Variants in RBFOX1 observed in about 807,000 individuals in gnomAD.
RBFOX1 encodes the protein RNA binding fox-1 homolog 1.
A neutral mutation model predicts 57.7 loss-of-function variants in RBFOX1; 8 were observed. The ratio of observed to expected loss-of-function variants is 0.14; its 90% CI spans 0.08 to 0.25. The LOEUF (loss-of-function observed/expected upper bound fraction) is 0.25. Among genes scored for constraint, RBFOX1 ranks in the 10% least tolerant of loss-of-function variants. The probability of loss-of-function intolerance (pLI) is 1.00; values close to 1 mark genes in which losing one functional copy is unlikely to be tolerated. For missense variants in RBFOX1, 611 were observed against 548.5 expected, an observed-to-expected ratio of 1.11 and a Z score of -1.14; for synonymous variants, 326 against 222.4, an observed-to-expected ratio of 1.47 and a Z score of -4.15.
chr16:6,233,419 C>T (rs1181029929), intron 1 of RBFOX1, among the ~76,000 whole-genome samples: 1 of 152,112 alleles, frequency 6.6e-6, no homozygotes. Flanking sequence ...CCCCACTCGT[C>T]CCCACCTCCA....
chr16:6,082,562 G>C (rs116556220), intron 1 of RBFOX1, among the ~76,000 whole-genome samples: 1,931 of 151,758 alleles, frequency 0.013, 42 homozygotes, highest in African/African-American at 0.045. Context: ...ATAGGGCTAA[G>C]GGCTAACAGC....
chr16:5,395,510 G>A (rs2066526372), intron 1 of RBFOX1, among the ~76,000 whole-genome samples: 1 of 152,116 alleles, frequency 6.6e-6, no homozygotes, highest in South Asian at 2.1e-4. Context: ...GCGTGGTTGA[G>A]GGAAATTTCT....
intron 4 of RBFOX1, among the ~76,000 whole-genome samples, chr16:7,245,809 A>G (rs2094272066): frequency 6.6e-6 from 1 of 152,198 alleles, no homozygotes; most frequent in Non-Finnish European, 1.5e-5. Flanking sequence ...TTTAGACAGC[A>G]CTTCATACAC....
At chr16:7,574,857 G>C (rs2152803270) in intron 5 of RBFOX1, among the ~76,000 whole-genome samples, 1 of 152,210 alleles carries the variant, frequency 6.6e-6, no homozygotes, top group African/African-American at 2.4e-5. Context: ...CCTTCTCCTA[G>C]ACCTGCTTTG....
intron 4 of RBFOX1, among the ~76,000 whole-genome samples, chr16:7,263,753 G>T (rs1316093139): frequency 2.6e-5 from 4 of 151,862 alleles, no homozygotes; most frequent in Non-Finnish European, 4.4e-5. Flanking sequence ...AAAATTAGCT[G>T]GGTGTGGTGG....
chr16:6,823,944 C>G (rs1368934372), intron 3 of RBFOX1, among the ~76,000 whole-genome samples: 1 of 152,094 alleles, frequency 6.6e-6, no homozygotes, highest in Non-Finnish European at 1.5e-5. Context: ...AAACGGTGTC[C>G]TGGAAGAGGT....
At chr16:7,054,747 C>G (rs2051518341) in intron 4 of RBFOX1, among the ~76,000 whole-genome samples, 1 of 152,196 alleles carries the variant, frequency 6.6e-6, no homozygotes, top group Non-Finnish European at 1.5e-5. Flanking sequence ...CTAAGTGCAG[C>G]AGTCAAAATG....
At chr16:5,356,631 AAATG>A (rs764743117) in intron 1 of RBFOX1, among the ~76,000 whole-genome samples, 16 of 152,208 alleles carry the variant, frequency 1.1e-4, no homozygotes, top group Non-Finnish European at 2.4e-4. Flanking sequence ...TATACTTGTT[AAATG>A]AATGAGCGAA....
chr16:6,565,010 A>C (rs2097239665), intron 2 of RBFOX1, among the ~76,000 whole-genome samples: 1 of 151,450 alleles, frequency 6.6e-6, no homozygotes, highest in Admixed American at 6.6e-5. Flanking sequence ...ATGTGCTGGC[A>C]TGCACTTGTA....
At chr16:7,227,668 G>C (rs554753291) in intron 4 of RBFOX1, among the ~76,000 whole-genome samples, 3 of 152,234 alleles carry the variant, frequency 2.0e-5, no homozygotes, top group Middle Eastern at 3.4e-3. Flanking sequence ...GATTTGAGTG[G>C]ATGGGTCCTT....
chr16:6,754,550 C>G (rs2154193822), intron 3 of RBFOX1, among the ~76,000 whole-genome samples: 1 of 152,250 alleles, frequency 6.6e-6, no homozygotes, highest in South Asian at 2.1e-4. Context: ...CTAATTCCCA[C>G]ATAGAATTTC....
chr16:7,291,984 G>A (rs537967943), intron 4 of RBFOX1, among the ~76,000 whole-genome samples: 51 of 65,460 alleles, frequency 7.8e-4, no homozygotes, highest in African/African-American at 3.5e-3. Flanking sequence ...ATATAATATA[G>A]AATATATGAT....
At chr16:6,813,275 C>A (rs1460833465) in intron 3 of RBFOX1, among the ~76,000 whole-genome samples, 1 of 152,148 alleles carries the variant, frequency 6.6e-6, no homozygotes, top group Admixed American at 6.5e-5. Context: ...TTCTGGCAGT[C>A]CTCAAAACAG....
At chr16:7,207,608 A>AAC (rs2090255971) in intron 4 of RBFOX1, among the ~76,000 whole-genome samples, 1 of 152,192 alleles carries the variant, frequency 6.6e-6, no homozygotes, top group South Asian at 2.1e-4. Flanking sequence ...ATGACAGCAA[A>AAC]ACAGTGCTCC....
chr16:7,510,181 A>G (rs1205604822), intron 4 of RBFOX1: 2 of 985,680 alleles, frequency 2.0e-6, no homozygotes, highest in East Asian at 2.3e-4. Flanking sequence ...CAACACCCCG[A>G]TCATCCACAC....
intron 4 of RBFOX1, among the ~76,000 whole-genome samples, chr16:7,194,249 T>C (rs959362354): frequency 1.3e-5 from 2 of 152,244 alleles, no homozygotes; most frequent in East Asian, 3.8e-4. Context: ...TGTTAGATTT[T>C]AATAACTTGT....
intron 3 of RBFOX1, among the ~76,000 whole-genome samples, chr16:6,990,879 A>G (rs538754412): frequency 1.3e-5 from 2 of 152,230 alleles, no homozygotes; most frequent in African/African-American, 2.4e-5. Context: ...TTAAGATAAG[A>G]TAAGGCTGTC....
chr16:7,413,542 G>C (rs1049980441), intron 4 of RBFOX1, among the ~76,000 whole-genome samples: 1 of 151,880 alleles, frequency 6.6e-6, no homozygotes, highest in Non-Finnish European at 1.5e-5. Flanking sequence ...CTGTCTCCTT[G>C]TAAGGCTGCC....
intron 4 of RBFOX1, among the ~76,000 whole-genome samples, chr16:7,066,103 G>C (rs2055958722): frequency 6.6e-6 from 1 of 152,182 alleles, no homozygotes; most frequent in African/African-American, 2.4e-5. Context: ...ATTTGCATGA[G>C]AATCTTAAAG....
Sources: allele counts gnomAD v4.1 joint callset (sites outside exome capture counted in the v4.1 genomes callset), GRCh38; gene constraint gnomAD v4.1.1; transcripts MANE v1.5; gene names NCBI Gene and HGNC (gene_info 2026-07-23, HGNC 2026-07-21).